The following GLRA2 variants were observed in gnomAD, a reference collection of about 807,000 sequenced individuals.
GLRA2 encodes the protein glycine receptor subunit alpha-2.
In GLRA2, 11 loss-of-function variants were observed where a neutral mutation model predicts 31.6. The observed-to-expected ratio is 0.35, with a 90% CI of 0.22 to 0.58. The LOEUF is 0.58. Among genes scored for constraint, GLRA2 ranks in the 20% least tolerant of loss-of-function variants. The pLI is 0.84. For missense variants in GLRA2, 212 were observed against 351.8 expected (o/e 0.60, Z 3.18); for synonymous variants, 132 against 134.0 (o/e 0.99, Z 0.10).
chrX:14,552,946 C>G (rs970519487), intron 2 of GLRA2, among the ~76,000 whole-genome samples: 1 of 111,749 alleles, frequency 8.9e-6, no homozygotes, highest in African/African-American at 3.3e-5. Flanking sequence ...TCTCAAGGTC[C>G]CAAGGTGATG....
intron 7 of GLRA2, among the ~76,000 whole-genome samples, chrX:14,645,772 T>C (rs2090823643): frequency 8.9e-6 from 1 of 112,041 alleles, no homozygotes; most frequent in African/African-American, 3.2e-5. Flanking sequence ...TGAACAATAA[T>C]TAAAGGGCTT....
chrX:14,692,228 A>G (rs2091371627), intron 8 of GLRA2, among the ~76,000 whole-genome samples: 1 of 112,046 alleles, frequency 8.9e-6, no homozygotes, highest in African/African-American at 3.2e-5. Flanking sequence ...AACAAGCACA[A>G]ATATCCTCTT....
chrX:14,705,487 G>A (rs958210221), intron 8 of GLRA2, among the ~76,000 whole-genome samples: 3 of 111,833 alleles, frequency 2.7e-5, no homozygotes, highest in Admixed American at 9.5e-5. Flanking sequence ...CATCTGACCC[G>A]AATATGGATA....
intron 7 of GLRA2, among the ~76,000 whole-genome samples, chrX:14,671,805 T>A (rs2091096445): frequency 8.9e-6 from 1 of 112,701 alleles, no homozygotes; most frequent in South Asian, 3.6e-4. Flanking sequence ...ATTAGTACTA[T>A]TTGCTTCTAA....
In GLRA2 at chrX:14,555,528, C is replaced by A. The variant is rs73635046; in HGVS notation, c.203-18805C>A. ...ATGGAGGGCAACGGTTAAGACTTTC[C>A]TGATCCCCACCTCAAACAGGGCAGT... On this transcript the variant is annotated intron_variant, in intron 2 of 8. Transcript: ENST00000218075. Among the ~76,000 whole-genome samples the A allele has an allele frequency of 5.1e-3, 573 of 111,516 alleles. 5 individuals are homozygous for A. The highest frequency in any genetic ancestry group is 0.018 in the African/African-American group (545 of 30,755).
upstream of GLRA2, among the ~76,000 whole-genome samples, chrX:14,526,731 T>C (rs1335382178): frequency 8.9e-6 from 1 of 112,079 alleles, no homozygotes; most frequent in Admixed American, 9.5e-5. Context: ...TTTTGAGACA[T>C]ACATTAGGAA....
chrX:14,580,069 A>G (rs1286883584), intron 3 of GLRA2, among the ~76,000 whole-genome samples: 2 of 111,680 alleles, frequency 1.8e-5, no homozygotes, highest in Non-Finnish European at 3.8e-5. Context: ...TAGAGTGACC[A>G]ACTATCCCAA....
At chrX:14,503,833 T>C in the GLRA2 span, among the ~76,000 whole-genome samples, 1 of 111,617 alleles carries the variant, frequency 9.0e-6, no homozygotes, top group Non-Finnish European at 1.9e-5. Context: ...GCTCTGAGGG[T>C]GGGGCCCAGG....
the GLRA2 span, among the ~76,000 whole-genome samples, chrX:14,454,188 CCACACACACACACACACA>C: frequency 2.0e-5 from 2 of 101,528 alleles, no homozygotes; most frequent in East Asian, 3.2e-4. Flanking sequence ...ACCCACACAC[CCACACACACACACACACA>C]CACACACACA....
At chrX:14,515,356 A>G in the GLRA2 span, among the ~76,000 whole-genome samples, 16 of 112,120 alleles carry the variant, frequency 1.4e-4, no homozygotes, top group Non-Finnish European at 1.9e-5. Context: ...AGGTGTGGAT[A>G]TTCAGAATTT....
chrX:14,498,210 G>T, the GLRA2 span, among the ~76,000 whole-genome samples: 11 of 110,054 alleles, frequency 1.0e-4, no homozygotes, highest in African/African-American at 3.3e-4. Context: ...TAAGGTGCTG[G>T]TTACCAGGAA....
chrX:14,518,155 G>T, the GLRA2 span, among the ~76,000 whole-genome samples: 1 of 111,856 alleles, frequency 8.9e-6, no homozygotes, highest in Non-Finnish European at 1.9e-5. Flanking sequence ...ATCACAGTGA[G>T]ATACTATTTA....
intron 7 of GLRA2, among the ~76,000 whole-genome samples, chrX:14,671,948 G>A (rs1314220624): frequency 1.8e-5 from 2 of 112,181 alleles, no homozygotes; most frequent in Admixed American, 9.4e-5. Flanking sequence ...GGGACTCACA[G>A]CTCTGATCAC....
chrX:14,490,244 C>A, the GLRA2 span, among the ~76,000 whole-genome samples: 2 of 111,981 alleles, frequency 1.8e-5, no homozygotes, highest in Non-Finnish European at 3.8e-5. Context: ...AATATCTTTG[C>A]AGTTCTGATT....
chrX:14,614,380 T>A (rs747572446), intron 7 of GLRA2, among the ~76,000 whole-genome samples: 1 of 111,406 alleles, frequency 9.0e-6, no homozygotes, highest in Non-Finnish European at 1.9e-5. Flanking sequence ...ATTCTCTGGG[T>A]GATGTCTTAC....
At chrX:14,530,680 C>T (rs1048134500) in intron 1 of GLRA2, among the ~76,000 whole-genome samples, 1 of 111,589 alleles carries the variant, frequency 9.0e-6, no homozygotes, top group Admixed American at 9.6e-5. Flanking sequence ...AAATGGATTG[C>T]CTACCAAAAT....
upstream of GLRA2, among the ~76,000 whole-genome samples, chrX:14,528,859 CTG>C (rs757509560): frequency 2.6e-4 from 29 of 111,798 alleles, no homozygotes; most frequent in Non-Finnish European, 5.3e-4. Context: ...TTCTACAAAT[CTG>C]TGACTTGCGG....
chrX:14,675,850 G>C (rs1312465624), intron 7 of GLRA2, among the ~76,000 whole-genome samples: 1 of 112,130 alleles, frequency 8.9e-6, no homozygotes, highest in Non-Finnish European at 1.9e-5. Flanking sequence ...CTGAATATAG[G>C]TAAGAGATCA....
chrX:14,493,183 T>A, the GLRA2 span, among the ~76,000 whole-genome samples: 1 of 111,033 alleles, frequency 9.0e-6, no homozygotes, highest in Non-Finnish European at 1.9e-5. Flanking sequence ...CACAAAACTG[T>A]ACATGAATTT....
Sources: allele counts gnomAD v4.1 joint callset (sites outside exome capture counted in the v4.1 genomes callset), GRCh38; gene constraint gnomAD v4.1.1; transcripts MANE v1.5; gene names NCBI Gene and HGNC (gene_info 2026-07-23, HGNC 2026-07-21).